MAN2A1: variants seen among roughly 807,000 people sequenced by gnomAD.
The protein encoded by MAN2A1 is mannosidase alpha class 2A member 1, also known as alpha-mannosidase 2.
MAN2A1 carries 76 observed loss-of-function variants against 142.6 expected under a neutral mutation model. The ratio of observed to expected loss-of-function variants is 0.53; its 90% CI spans 0.44 to 0.65. MAN2A1 has a LOEUF of 0.65. Among genes scored for constraint, MAN2A1 ranks in the 30% least tolerant of loss-of-function variants. The pLI is 0.00. For synonymous variants in MAN2A1, 559 were observed against 473.2 expected, an observed-to-expected ratio of 1.18 and a Z score of -2.35; for missense variants, 1,311 against 1,365.1, an observed-to-expected ratio of 0.96 and a Z score of 0.62.
chr5:109,726,166 T>C (rs1463323516), intron 3 of MAN2A1, among the ~76,000 whole-genome samples: 1 of 152,198 alleles, frequency 6.6e-6, no homozygotes, highest in Non-Finnish European at 1.5e-5. Context: ...TAAATCAGTT[T>C]GCAACTCAGT....
chr5:109,714,320 T>A (rs1751393376), intron 2 of MAN2A1, among the ~76,000 whole-genome samples: 1 of 152,154 alleles, frequency 6.6e-6, no homozygotes, highest in Non-Finnish European at 1.5e-5. Flanking sequence ...GTGCTGTAAG[T>A]GTAATGTACA....
At chr5:109,690,789 C>T (rs1170381407) in intron 1 of MAN2A1, among the ~76,000 whole-genome samples, 6 of 152,164 alleles carry the variant, frequency 3.9e-5, no homozygotes, top group Non-Finnish European at 8.8e-5. Flanking sequence ...TCATCCCGCT[C>T]AGGAAAGTGG....
chr5:109,847,931 C>A, intron 19 of MAN2A1, 141 bp downstream of exon 19: 1 of 492,624 alleles, frequency 2.0e-6, no homozygotes, highest in Non-Finnish European at 3.2e-6. Flanking sequence ...CCCACATTCA[C>A]AGAAAGAGAA....
intron 12 of MAN2A1, among the ~76,000 whole-genome samples, chr5:109,796,232 T>G (rs1215172066): frequency 6.6e-6 from 1 of 152,172 alleles, no homozygotes. Context: ...ATTTTTGAGT[T>G]TAAGTTCTTG....
Position 109,867,521 on chromosome 5 carries a change from T to G in MAN2A1, c.*523T>G, listed in dbSNP as rs1755917216. 6.6e-6 allele frequency: 1 copy of G among 152,648 alleles called. No homozygotes were observed. Among genetic ancestry groups the G allele is most frequent in the African/African-American group, 2.4e-5 (1 of 41,462 alleles). 9.5% of individuals were successfully genotyped at this position (152,648 alleles called of 1,614,324 possible). Reference sequence around the variant, plus strand: ...GAAAAGTGCAATCCATCCACCCTTATGATTAACGTAGATGATTTTTATACC... The same window carrying G: ...GAAAAGTGCAATCCATCCACCCTTAGGATTAACGTAGATGATTTTTATACC... On this transcript the variant is annotated 3_prime_UTR_variant, in exon 22 of 22. Transcript: ENST00000261483.
At chr5:109,725,131 A>C (rs1464882000) in intron 3 of MAN2A1, among the ~76,000 whole-genome samples, 1 of 152,250 alleles carries the variant, frequency 6.6e-6, no homozygotes, top group Non-Finnish European at 1.5e-5. Context: ...AGAGGCCCAC[A>C]TACCCTGTGT....
rs1311662568 is a variant in MAN2A1, at chr5:109,817,326, T to C, written c.1997T>C (p.Val666Ala). 6.2e-7 allele frequency: 1 copy of C among 1,614,152 alleles called. No homozygotes were observed. Among genetic ancestry groups the C allele is most frequent in the Non-Finnish European group, 8.5e-7 (1 of 1,180,016 alleles). ...CAAGACCGAATCTCGTTGGTCTCAG[T>C]CTATGTGAGTTCCCCGACAGTGCAA... ...LEQDRISLVS[V>A]YVSSPTVQVF... Residue 666 changes from valine to alanine, a missense_variant, in exon 13 of 22, where the codon GTC becomes GCC. By Grantham distance (64) the Val-to-Ala change is moderately conservative. Coordinates refer to ENST00000261483, the MANE Select transcript of MAN2A1 (RefSeq NM_002372.4).
intron 15 of MAN2A1, among the ~76,000 whole-genome samples, chr5:109,823,230 G>GT (rs1462756828): frequency 6.6e-6 from 1 of 152,138 alleles, no homozygotes; most frequent in East Asian, 1.9e-4. Context: ...AGGACAGAAT[G>GT]TTTTATAGTT....
At chr5:109,752,116 T>C (rs539092907) in intron 4 of MAN2A1, among the ~76,000 whole-genome samples, 1 of 152,276 alleles carries the variant, frequency 6.6e-6, no homozygotes, top group East Asian at 1.9e-4. Flanking sequence ...TAAGTCATAT[T>C]TGCATTAATC....
chr5:109,771,896 G>A (rs537376159), intron 7 of MAN2A1, among the ~76,000 whole-genome samples: 6 of 152,102 alleles, frequency 3.9e-5, no homozygotes, highest in Non-Finnish European at 8.8e-5. Context: ...TTTTTTGGGG[G>A]GTGCTACTGA....
chr5:109,764,090 C>T (rs1045960430), intron 5 of MAN2A1, among the ~76,000 whole-genome samples: 24 of 152,090 alleles, frequency 1.6e-4, no homozygotes, highest in African/African-American at 4.8e-4. Context: ...CATGAGCCAC[C>T]GTGTCCGGCC....
At chr5:109,831,805 ATGTG>A (rs55738132) in intron 16 of MAN2A1, among the ~76,000 whole-genome samples, 156 of 144,874 alleles carry the variant, frequency 1.1e-3, no homozygotes, top group Non-Finnish European at 1.6e-3. Context: ...AACAAAAATC[ATGTG>A]TGTGTGTGTG....
At chr5:109,723,145 C>T (rs1208435034) in intron 3 of MAN2A1, among the ~76,000 whole-genome samples, 3 of 152,166 alleles carry the variant, frequency 2.0e-5, no homozygotes, top group Non-Finnish European at 4.4e-5. Flanking sequence ...AAAACGCCTG[C>T]TGTCCTAACA....
At chr5:109,836,636 C>T (rs1429668852) in intron 16 of MAN2A1, among the ~76,000 whole-genome samples, 2 of 152,134 alleles carry the variant, frequency 1.3e-5, no homozygotes, top group East Asian at 3.9e-4. Context: ...TGATACGGCT[C>T]AGCCTCCTGA....
chr5:109,781,176 G>A (rs900722250), intron 8 of MAN2A1, among the ~76,000 whole-genome samples: 4 of 151,998 alleles, frequency 2.6e-5, no homozygotes, highest in East Asian at 1.9e-4. Flanking sequence ...CTGCTGAAGT[G>A]TATAAGTTTT....
At chr5:109,690,859 G>T (rs1183774775) in intron 1 of MAN2A1, among the ~76,000 whole-genome samples, 3 of 152,116 alleles carry the variant, frequency 2.0e-5, no homozygotes, top group Admixed American at 6.5e-5. Context: ...GCTGGCGGGG[G>T]AACGGGCGCG....
intron 16 of MAN2A1, among the ~76,000 whole-genome samples, chr5:109,826,420 C>A (rs1392995957): frequency 6.6e-6 from 1 of 152,004 alleles, no homozygotes. Context: ...TCATTCTAGT[C>A]CGGATCATTT....
rs535238663 is a variant in MAN2A1 at position 109,869,310 on chromosome 5, CTT to C, written c.*2318_*2319del. 3.9e-5 allele frequency: 6 copies of C among 152,104 alleles called. No individual in the cohort carries two copies. The highest frequency in any genetic ancestry group is 3.9e-4 in the Admixed American group (6 of 15,264). The allele number at this position is 152,104 out of a possible 1,614,324, so 9.4% of individuals were successfully genotyped here. A position where few individuals can be genotyped will look rare whatever the true frequency, so the allele number is the denominator to read the frequency against. On this transcript the variant is annotated 3_prime_UTR_variant, in exon 22 of 22. Coordinates refer to ENST00000261483, the MANE Select transcript of MAN2A1 (RefSeq NM_002372.4). ...ACCAAGTAGTTCAGTGTTTTCTTTC[CTT>C]TTTTTGGAAATTTTAGTTTGAGTTT...
In MAN2A1 at chr5:109,867,235, A is replaced by G. The variant is rs752834468; in HGVS notation, c.*237A>G. 2 of 303,328 alleles carry G rather than the reference A, an allele frequency of 6.6e-6. No homozygotes were observed. Among genetic ancestry groups the G allele is most frequent in the Non-Finnish European group, 1.2e-5 (2 of 166,506 alleles). 18.8% of individuals were successfully genotyped at this position (303,328 alleles called of 1,614,324 possible). On this transcript the variant is annotated 3_prime_UTR_variant, in exon 22 of 22. Coordinates refer to ENST00000261483, the MANE Select transcript of MAN2A1 (RefSeq NM_002372.4). ...AAACTTTCTCCCATGAACTACCACCATCAGTATGAATTGATGCAACAAATG... is the reference window on the plus strand; with the variant it reads ...AAACTTTCTCCCATGAACTACCACCGTCAGTATGAATTGATGCAACAAATG...
Sources: allele counts gnomAD v4.1 joint callset (sites outside exome capture counted in the v4.1 genomes callset), GRCh38; gene constraint gnomAD v4.1.1; transcripts MANE v1.5; gene names NCBI Gene and HGNC (gene_info 2026-07-23, HGNC 2026-07-21).